The following RAB28 variants were observed in gnomAD, a reference collection of about 807,000 sequenced individuals.
The protein encoded by RAB28 is ras-related protein Rab-28.
RAB28 carries 24 observed loss-of-function variants against 31.7 expected under a neutral mutation model. The ratio of observed to expected loss-of-function variants is 0.76; its 90% CI spans 0.55 to 1.06. The LOEUF is 1.06. RAB28 is among the 50% of genes least tolerant of loss of function. The pLI, the probability that RAB28 is intolerant of heterozygous loss-of-function variation, is 0.00. For missense variants in RAB28, 254 were observed against 258.5 expected, an observed-to-expected ratio of 0.98 and a Z score of 0.12; for synonymous variants, 100 against 90.4, an observed-to-expected ratio of 1.11 and a Z score of -0.60.
intron 4 of RAB28, among the ~76,000 whole-genome samples, chr4:13,419,693 T>G (rs111315737): frequency 4.6e-5 from 7 of 152,296 alleles, no homozygotes; most frequent in African/African-American, 1.4e-4. Context: ...AAGATGTTCT[T>G]TGAAACCAAT....
chr4:13,375,107 T>C (rs924936092), intron 6 of RAB28, among the ~76,000 whole-genome samples: 1 of 152,100 alleles, frequency 6.6e-6, no homozygotes, highest in African/African-American at 2.4e-5. Flanking sequence ...AGAGTGGAAA[T>C]ACCAAGGGCA....
chr4:13,457,117 CAAG>C (rs938681481), intron 4 of RAB28, among the ~76,000 whole-genome samples: 1 of 152,096 alleles, frequency 6.6e-6, no homozygotes, highest in African/African-American at 2.4e-5. Flanking sequence ...GAAAGGGACA[CAAG>C]GATAAATTTT....
intron 4 of RAB28, among the ~76,000 whole-genome samples, chr4:13,407,858 T>C (rs183087729): frequency 5.9e-5 from 9 of 152,308 alleles, no homozygotes; most frequent in Admixed American, 3.9e-4. Context: ...TTTTTGCACA[T>C]TGATTTTGTG....
intron 4 of RAB28, among the ~76,000 whole-genome samples, chr4:13,388,277 T>C (rs1434492479): frequency 6.6e-6 from 1 of 152,008 alleles, no homozygotes; most frequent in Non-Finnish European, 1.5e-5. Flanking sequence ...AAAAGGACAA[T>C]CTCTTCAACA....
chr4:13,483,188 C>T (rs1209624697), intron 1 of RAB28, among the ~76,000 whole-genome samples: 2 of 152,276 alleles, frequency 1.3e-5, no homozygotes, highest in East Asian at 3.9e-4. Context: ...CCCCAGAGCA[C>T]GTACCGGGCA....
intron 3 of RAB28, among the ~76,000 whole-genome samples, chr4:13,467,787 A>G (rs545644511): frequency 4.6e-5 from 7 of 152,142 alleles, no homozygotes; most frequent in African/African-American, 1.7e-4. Context: ...AGCTATATCA[A>G]TAAACACTTT....
chr4:13,425,827 G>T (rs1323534402), intron 4 of RAB28, among the ~76,000 whole-genome samples: 1 of 152,012 alleles, frequency 6.6e-6, no homozygotes, highest in Non-Finnish European at 1.5e-5. Context: ...AAAGTTCTGT[G>T]GCAACAAAAA....
At chr4:13,453,736 C>G (rs1370777444) in intron 4 of RAB28, among the ~76,000 whole-genome samples, 1 of 152,052 alleles carries the variant, frequency 6.6e-6, no homozygotes, top group Non-Finnish European at 1.5e-5. Flanking sequence ...TGTGACTTGA[C>G]ACTACTCTTT....
intron 4 of RAB28, among the ~76,000 whole-genome samples, chr4:13,397,242 T>C (rs969931423): frequency 2.6e-5 from 4 of 152,176 alleles, no homozygotes; most frequent in African/African-American, 9.6e-5. Context: ...TAATTGCATT[T>C]ATATAAAAAT....
chr4:13,394,831 G>A (rs1200083588), intron 4 of RAB28, among the ~76,000 whole-genome samples: 2 of 152,112 alleles, frequency 1.3e-5, no homozygotes, highest in South Asian at 2.1e-4. Flanking sequence ...AACGATGTCT[G>A]AGGACAAAAA....
intron 4 of RAB28, among the ~76,000 whole-genome samples, chr4:13,415,976 G>C (rs577826682): frequency 1.3e-5 from 2 of 152,280 alleles, no homozygotes; most frequent in East Asian, 3.9e-4. Flanking sequence ...CAGGGTTTGT[G>C]AATGTACCAA....
chr4:13,386,703 C>A (rs969067817), intron 4 of RAB28, among the ~76,000 whole-genome samples: 2 of 152,136 alleles, frequency 1.3e-5, no homozygotes, highest in Non-Finnish European at 2.9e-5. Context: ...TCCTCAAGTA[C>A]TTAAAACAGA....
intron 4 of RAB28, among the ~76,000 whole-genome samples, chr4:13,450,872 G>GA (rs1212018291): frequency 8.6e-5 from 13 of 150,428 alleles, no homozygotes; most frequent in South Asian, 4.2e-4. Context: ...TTTGGAAACA[G>GA]AAAAAAAAAT....
At chr4:13,371,457 A>G (rs1023226078) in intron 6 of RAB28, 2 of 985,374 alleles carry the variant, frequency 2.0e-6, no homozygotes, top group African/African-American at 3.5e-5. Context: ...TCCTATAAAC[A>G]CAACCAGATT....
intron 4 of RAB28, among the ~76,000 whole-genome samples, chr4:13,435,032 AAAAG>A (rs929456170): frequency 1.3e-5 from 2 of 150,090 alleles, no homozygotes; most frequent in African/African-American, 4.9e-5. Flanking sequence ...AAAAAAAAAA[AAAAG>A]AAAAGAAAAA....
At chr4:13,408,497 G>A (rs892362304) in intron 4 of RAB28, among the ~76,000 whole-genome samples, 4 of 152,092 alleles carry the variant, frequency 2.6e-5, no homozygotes, top group Non-Finnish European at 5.9e-5. Flanking sequence ...GTCTCTGCCA[G>A]GTTTTGGTAT....
chr4:13,472,428 A>G (rs1017983424), intron 3 of RAB28, among the ~76,000 whole-genome samples: 7 of 151,526 alleles, frequency 4.6e-5, no homozygotes, highest in African/African-American at 1.7e-4. Context: ...ATAAATTTTT[A>G]AATGACTTGA....
At chr4:13,407,174 A>G (rs1041755425) in intron 4 of RAB28, among the ~76,000 whole-genome samples, 1 of 152,142 alleles carries the variant, frequency 6.6e-6, no homozygotes, top group Admixed American at 6.5e-5. Context: ...TTCTTGAATT[A>G]ATTTTTGTAT....
At chr4:13,444,472 G>A (rs1253690533) in intron 4 of RAB28, among the ~76,000 whole-genome samples, 1 of 152,124 alleles carries the variant, frequency 6.6e-6, no homozygotes, top group Non-Finnish European at 1.5e-5. Context: ...AGTGAATAAT[G>A]CTGCAATGAA....
Sources: gnomAD v4.1 joint callset for allele counts (sites outside exome capture counted in the v4.1 genomes callset) on GRCh38, gnomAD v4.1.1 for gene constraint, MANE v1.5 for transcripts, NCBI Gene and HGNC (gene_info 2026-07-23, HGNC 2026-07-21) for gene names.